R3HDM4: variants seen among roughly 807,000 people sequenced by gnomAD.
R3HDM4 encodes R3H domain containing 4, also known as R3H domain-containing protein 4.
In R3HDM4, 30 loss-of-function variants were observed where a neutral mutation model predicts 31.3. That is an observed-to-expected ratio of 0.96 (90% confidence interval 0.72 to 1.30). The LOEUF (loss-of-function observed/expected upper bound fraction) is 1.30, where lower values mean the gene tolerates loss of function less well. R3HDM4 is among the 50% of genes most tolerant of loss of function. R3HDM4 has a pLI of 0.00. For synonymous variants in R3HDM4, 196 were observed against 156.6 expected (o/e 1.25, Z -1.88); for missense variants, 444 against 366.1 (o/e 1.21, Z -1.74).
At position 900,954 on chromosome 19, in the gene R3HDM4, T is replaced by C. The variant is rs780894487; in HGVS notation, c.352-2A>G. 27 of 1,580,888 alleles carry C rather than the reference T, an allele frequency of 1.7e-5. No individual in the cohort carries two copies. The highest frequency in any genetic ancestry group is 1.8e-5 in the Admixed American group (1 of 55,600). On this transcript the variant is annotated splice_acceptor_variant, in intron 3 of 7. Transcript: ENST00000361574. LOFTEE classifies it high-confidence loss of function. ...GCGGTTCATGAAATCGTTCCAGACC[T>C]GGAAGAGAGGCAGGGAGGCAGGCTT...
chr19:912,948 A>G, intron 1 of R3HDM4, 139 bp downstream of exon 1: 1 of 226,688 alleles, frequency 4.4e-6, no homozygotes, highest in Non-Finnish European at 7.4e-6. Flanking sequence ...GCCCCGGAAG[A>G]TGAGCAACGG....
intron 7 of R3HDM4, among the ~76,000 whole-genome samples, chr19:898,430 G>A (rs2036773424): frequency 1.5e-5 from 2 of 135,226 alleles, no homozygotes; most frequent in South Asian, 2.3e-4. Context: ...AAAGAAACCC[G>A]TCTCTACTAA....
Position 899,437 on chromosome 19 carries a change from T to C in R3HDM4, c.703+3A>G, listed in dbSNP as rs376543966. ...TGGGGTCTTGGGGGCCACCGGCACT[T>C]ACTGGCCGAGATGAGGTCCATGTAC... On this transcript the variant is annotated splice_donor_region_variant and intron_variant, in intron 7 of 7. Transcript: ENST00000361574. The surrounding 1 kb of genome is among the most constrained non-coding windows in gnomAD (Gnocchi z 6.8). 3 of 1,613,580 alleles carry C rather than the reference T, an allele frequency of 1.9e-6. No homozygotes were observed. Among genetic ancestry groups the C allele is most frequent in the African/African-American group, 1.3e-5 (1 of 75,038 alleles).
At chr19:908,365 G>T (rs2036931695) in intron 1 of R3HDM4, among the ~76,000 whole-genome samples, 1 of 152,078 alleles carries the variant, frequency 6.6e-6, no homozygotes, top group African/African-American at 2.4e-5. Flanking sequence ...CCAGCACTTT[G>T]GGAGGCTGAG....
chr19:900,077 C>G lies in R3HDM4; in HGVS notation c.545G>C (p.Arg182Pro). The G allele has an allele frequency of 6.2e-7, 1 of 1,611,224 alleles. No homozygotes were observed. Among genetic ancestry groups the G allele is most frequent in the Non-Finnish European group, 8.5e-7 (1 of 1,178,988 alleles). Residue 182 changes from arginine to proline, a missense_variant, in exon 5 of 8, where the codon CGC becomes CCC. Physicochemically the swap from Arg to Pro is moderately radical, Grantham distance 103. Transcript: ENST00000361574. ...ISRRLRAVLK[R>P]SRIPMETLET... is the part of the protein sequence containing the mutation. ...CCCACTCACCATGGGGATGCGGCTG[C>G]GCTTGAGGACGGCTCGCAGACGCCG...
chr19:906,338 G>C (rs1487744258), intron 1 of R3HDM4, among the ~76,000 whole-genome samples: 2 of 151,264 alleles, frequency 1.3e-5, no homozygotes, highest in East Asian at 3.9e-4. Context: ...TCCTGCCTCA[G>C]CCTCCCGAGT....
chr19:912,837 C>A (rs1302049460), intron 1 of R3HDM4, among the ~76,000 whole-genome samples: 1 of 151,682 alleles, frequency 6.6e-6, no homozygotes, highest in Non-Finnish European at 1.5e-5. Flanking sequence ...CCAGCGAGCC[C>A]CCGGAGCGCC....
At position 907,788 on chromosome 19, in the gene R3HDM4, C is replaced by T. The variant is rs2036924838; in HGVS notation, c.71+5299G>A. On this transcript the variant is annotated intron_variant, in intron 1 of 7. Transcript: ENST00000361574. The surrounding 1 kb of genome is among the most constrained non-coding windows in gnomAD (Gnocchi z 4.1). The stretch of plus-strand genomic sequence containing the variant: ...CCTAGCACTGCAACACGAGGGCTTT[C>T]GCCTGTTTTGTTTGGTATCTGAGGG... Among the ~76,000 whole-genome samples the T allele has an allele frequency of 6.6e-6, 1 of 152,174 alleles. No homozygotes were observed. Among genetic ancestry groups the T allele is most frequent in the South Asian group, 2.1e-4 (1 of 4,832 alleles).
Position 902,076 on chromosome 19 carries a change from C to G in R3HDM4, c.126G>C (p.Ser42=), listed in dbSNP as rs200920575. ...ALASSQVKRL[S]ASRRKQHFIN... ...TGAAGTGCTGTTTCCGCCTGGAAGCCGAGAGTCTCTTCACCTGGGAGCTGG... is the reference window on the plus strand; with the variant it reads ...TGAAGTGCTGTTTCCGCCTGGAAGCGGAGAGTCTCTTCACCTGGGAGCTGG... The change falls in exon 2 of 8, where the codon TCG becomes TCC. Residue 42 remains serine, a synonymous_variant. Transcript: ENST00000361574. 7.6e-5 allele frequency: 122 copies of G among 1,613,764 alleles called. 1 individual carries two copies. The highest frequency in any genetic ancestry group is 1.6e-4 in the Middle Eastern group (1 of 6,082).
intron 1 of R3HDM4, among the ~76,000 whole-genome samples, chr19:905,129 A>G (rs1345049190): frequency 6.6e-5 from 10 of 151,008 alleles, no homozygotes; most frequent in African/African-American, 1.9e-4. Context: ...AATTGCTTGA[A>G]CCTGGGAAGC....
chr19:902,327 G>T (rs1399325694), intron 1 of R3HDM4, 197 bp from the exon 2 acceptor site: 1 of 610,284 alleles, frequency 1.6e-6, no homozygotes, highest in Non-Finnish European at 2.8e-6. Flanking sequence ...TTGTGAAGAC[G>T]GGCTGGGTGT....
Position 908,235 on chromosome 19 carries a change from C to T in R3HDM4, c.71+4852G>A, listed in dbSNP as rs767877521. Among the ~76,000 whole-genome samples, 66 of 151,950 alleles carry T rather than the reference C, an allele frequency of 4.3e-4. 1 individual carries two copies. The highest frequency in any genetic ancestry group is 6.2e-4 in the Non-Finnish European group (42 of 67,992). On this transcript the variant is annotated intron_variant, in intron 1 of 7. Transcript: ENST00000361574. ...AAACAAAAACAAAAAAACATCTGGC[C>T]TCTGGGGTAGACAGGGGGGCCTGGG...
chr19:913,018 G>T lies in R3HDM4; in HGVS notation c.71+69C>A, dbSNP rs1320278898. ...GGGAAAGGAGGGGAGGGGAGGCGGG[G>T]AGAGGATCTCAGGGGAGGGAGCCCA... On this transcript the variant is annotated intron_variant, in intron 1 of 7. Coordinates refer to ENST00000361574, the MANE Select transcript of R3HDM4 (RefSeq NM_138774.4). The surrounding 1 kb of genome is among the most constrained non-coding windows in gnomAD (Gnocchi z 5.0). 7 of 554,248 alleles carry T rather than the reference G, an allele frequency of 1.3e-5. No individual in the cohort carries two copies. Among genetic ancestry groups the T allele is most frequent in the Middle Eastern group, 8.0e-4 (1 of 1,250 alleles). The allele number at this position is 554,248 out of a possible 1,614,324, so 34.3% of individuals were successfully genotyped here.
rs548438028 is a variant in R3HDM4, at chr19:897,339, G to C, written c.*98C>G. 1 of 962,784 alleles carries C rather than the reference G, an allele frequency of 1.0e-6. No homozygotes were observed. Among genetic ancestry groups the C allele is most frequent in the South Asian group, 1.7e-5 (1 of 57,690 alleles). The allele number at this position is 962,784 out of a possible 1,614,324, so 59.6% of individuals were successfully genotyped here. The stretch of plus-strand genomic sequence containing the variant: ...ACCACCCCAAGCGAAAAAGGTTTCC[G>C]AGGACAAATTCTAAAAATATGAAAG... On this transcript the variant is annotated 3_prime_UTR_variant, in exon 8 of 8. Transcript: ENST00000361574.
chr19:900,503 A>C (rs1447713116), intron 4 of R3HDM4, among the ~76,000 whole-genome samples: 1 of 116,252 alleles, frequency 8.6e-6, no homozygotes, highest in Non-Finnish European at 1.8e-5. Flanking sequence ...CGCCCCATCC[A>C]TATCCTACCT....
chr19:905,348 T>A (rs2036889340), intron 1 of R3HDM4, among the ~76,000 whole-genome samples: 3 of 150,420 alleles, frequency 2.0e-5, no homozygotes, highest in African/African-American at 7.4e-5. Context: ...CTACTAAAAA[T>A]ACAAAAATTA....
intron 1 of R3HDM4, among the ~76,000 whole-genome samples, chr19:910,037 T>G (rs1484381615): frequency 6.6e-6 from 1 of 150,696 alleles, no homozygotes; most frequent in Non-Finnish European, 1.5e-5. Flanking sequence ...AATTAAAAAA[T>G]TAGCCAGGCC....
chr19:899,428 A>C lies in R3HDM4; in HGVS notation c.703+12T>G. 6.2e-7 allele frequency: 1 copy of C among 1,612,572 alleles called. No homozygotes were observed. Among genetic ancestry groups the C allele is most frequent in the Non-Finnish European group, 8.5e-7 (1 of 1,179,436 alleles). ...TGGCCAACTTGGGGTCTTGGGGGCCACCGGCACTTACTGGCCGAGATGAGG... is the reference window on the plus strand; with the variant it reads ...TGGCCAACTTGGGGTCTTGGGGGCCCCCGGCACTTACTGGCCGAGATGAGG... On this transcript the variant is annotated intron_variant, in intron 7 of 7. Transcript: ENST00000361574. The surrounding 1 kb of genome is among the most constrained non-coding windows in gnomAD (Gnocchi z 6.8).
At chr19:908,902 G>A (rs1028557958) in intron 1 of R3HDM4, among the ~76,000 whole-genome samples, 11 of 152,096 alleles carry the variant, frequency 7.2e-5, no homozygotes, top group African/African-American at 7.2e-5. Flanking sequence ...CCCGCCCACC[G>A]CCGCCCCCCG....
Sources: allele counts gnomAD v4.1 joint callset (sites outside exome capture counted in the v4.1 genomes callset), GRCh38; gene constraint gnomAD v4.1.1; non-coding constraint Gnocchi (gnomAD v3.1); transcripts MANE v1.5; gene names NCBI Gene and HGNC (gene_info 2026-07-23, HGNC 2026-07-21).